The following TOX2 variants were observed in gnomAD, a reference collection of about 807,000 sequenced individuals.
The protein encoded by TOX2 is TOX high mobility group box family member 2.
TOX2 carries 15 observed loss-of-function variants against 47.4 expected under a neutral mutation model. That is an observed-to-expected ratio of 0.32 (90% CI 0.21 to 0.49). The LOEUF (loss-of-function observed/expected upper bound fraction) is 0.49, where lower values mean the gene tolerates loss of function less well. Among genes scored for constraint, TOX2 ranks in the 20% least tolerant of loss-of-function variants. The pLI is 0.99. For synonymous variants in TOX2, 290 were observed against 296.6 expected, an observed-to-expected ratio of 0.98 and a Z score of 0.23; for missense variants, 622 against 673.1, an observed-to-expected ratio of 0.92 and a Z score of 0.84.
chr20:43,954,993 T>C (rs2069642685), intron 1 of TOX2, among the ~76,000 whole-genome samples: 1 of 152,194 alleles, frequency 6.6e-6, no homozygotes, highest in Non-Finnish European at 1.5e-5. Flanking sequence ...CAAAAAGCCC[T>C]GCGACGAGAA....
intron 7 of TOX2, 37 bp downstream of exon 7, chr20:44,066,144 G>A (rs765067830): frequency 3.4e-5 from 51 of 1,490,322 alleles, no homozygotes; most frequent in South Asian, 1.9e-4. Flanking sequence ...TTCTGTGACC[G>A]TGTGGGGAGG....
chr20:43,931,050 T>G (rs2069246088), intron 1 of TOX2, among the ~76,000 whole-genome samples: 1 of 152,210 alleles, frequency 6.6e-6, no homozygotes, highest in Non-Finnish European at 1.5e-5. Flanking sequence ...CGTTTGCTCA[T>G]GGGTGGAGCC....
chr20:43,950,134 G>A (rs879655582), intron 1 of TOX2, among the ~76,000 whole-genome samples: 9 of 152,112 alleles, frequency 5.9e-5, no homozygotes, highest in Admixed American at 3.3e-4. Flanking sequence ...CACTTGGAAT[G>A]TTTAACCCCT....
chr20:43,934,501 A>G (rs1027995785), intron 1 of TOX2, among the ~76,000 whole-genome samples: 1 of 152,092 alleles, frequency 6.6e-6, no homozygotes, highest in African/African-American at 2.4e-5. Context: ...TTCTCTTCCT[A>G]AGGGACCATA....
At chr20:44,019,387 C>T (rs1363199450) in intron 3 of TOX2, among the ~76,000 whole-genome samples, 1 of 152,236 alleles carries the variant, frequency 6.6e-6, no homozygotes, top group African/African-American at 2.4e-5. Context: ...CTTTTGACCC[C>T]AAGTGCTTTA....
At chr20:43,936,559 T>C (rs1216488736) in intron 1 of TOX2, among the ~76,000 whole-genome samples, 1 of 152,176 alleles carries the variant, frequency 6.6e-6, no homozygotes, top group Non-Finnish European at 1.5e-5. Flanking sequence ...ACAGCCTCCC[T>C]CGTGCAGCTG....
chr20:43,966,808 A>G (rs899292130), intron 1 of TOX2, among the ~76,000 whole-genome samples: 1 of 151,114 alleles, frequency 6.6e-6, no homozygotes, highest in African/African-American at 2.4e-5. Flanking sequence ...CTGAGGACCC[A>G]CGGGAACTGA....
chr20:44,056,794 ATTTT>A (rs1263834311), intron 5 of TOX2, among the ~76,000 whole-genome samples: 1 of 152,186 alleles, frequency 6.6e-6, no homozygotes, highest in African/African-American at 2.4e-5. Context: ...CTTACTATTT[ATTTT>A]ATCATTTCTG....
At chr20:44,056,274 T>C (rs890864757) in intron 5 of TOX2, among the ~76,000 whole-genome samples, 3 of 152,164 alleles carry the variant, frequency 2.0e-5, no homozygotes, top group African/African-American at 7.2e-5. Context: ...CGGTGGCAGC[T>C]GGAAGTAGAG....
intron 1 of TOX2, among the ~76,000 whole-genome samples, chr20:43,934,442 C>G (rs927566040): frequency 1.3e-5 from 2 of 152,264 alleles, no homozygotes; most frequent in East Asian, 1.9e-4. Context: ...GGCACTGGGC[C>G]GGGGTCACAG....
At chr20:44,024,214 T>C (rs1160423767) in intron 3 of TOX2, among the ~76,000 whole-genome samples, 2 of 152,214 alleles carry the variant, frequency 1.3e-5, no homozygotes, top group African/African-American at 4.8e-5. Flanking sequence ...GGTCTTCGTA[T>C]CTATAATTAC....
At chr20:44,019,328 C>A (rs1334572412) in intron 3 of TOX2, among the ~76,000 whole-genome samples, 1 of 152,206 alleles carries the variant, frequency 6.6e-6, no homozygotes, top group Non-Finnish European at 1.5e-5. Flanking sequence ...GGTGGCTTGT[C>A]CAAAGACACA....
At position 43,937,615 on chromosome 20, in the gene TOX2, G is replaced by A. The variant is rs373436363; in HGVS notation, c.99+22625G>A. On this transcript the variant is annotated intron_variant, in intron 1 of 8. Coordinates refer to ENST00000341197, the MANE Select transcript of TOX2 (RefSeq NM_001098797.2). The stretch of plus-strand genomic sequence containing the variant: ...AGGTGATCAGATGCTGGGGAGGCCC[G>A]TAGGGAGGGTGCACAGAGGAATGAC... Among the ~76,000 whole-genome samples, 13 of 152,246 alleles carry A rather than the reference G, an allele frequency of 8.5e-5. No individual in the cohort carries two copies. In the South Asian group the frequency reaches 2.3e-3, roughly 27 times the overall value.
intron 1 of TOX2, among the ~76,000 whole-genome samples, chr20:43,951,711 T>G (rs370195114): frequency 3.5e-5 from 4 of 115,040 alleles, no homozygotes; most frequent in African/African-American, 9.8e-5. Flanking sequence ...TATTATGTTT[T>G]TTTTTTTTTT....
At chr20:43,934,968 C>T (rs562291687) in intron 1 of TOX2, among the ~76,000 whole-genome samples, 14 of 152,140 alleles carry the variant, frequency 9.2e-5, no homozygotes, top group African/African-American at 2.4e-4. Flanking sequence ...GCTAAGCTGC[C>T]GACAGCATCC....
At chr20:43,964,346 A>T (rs1164345926) in intron 1 of TOX2, among the ~76,000 whole-genome samples, 1 of 152,058 alleles carries the variant, frequency 6.6e-6, no homozygotes, top group African/African-American at 2.4e-5. Flanking sequence ...CCTGGCCCTG[A>T]TGTGTATTTC....
At chr20:43,944,577 G>A (rs1432828260) in intron 1 of TOX2, among the ~76,000 whole-genome samples, 1 of 152,082 alleles carries the variant, frequency 6.6e-6, no homozygotes, top group African/African-American at 2.4e-5. Context: ...CTGCAGACAC[G>A]CTGGGCACCA....
chr20:44,053,738 C>T (rs1476918607), intron 4 of TOX2, among the ~76,000 whole-genome samples: 2 of 151,780 alleles, frequency 1.3e-5, no homozygotes, highest in East Asian at 1.9e-4. Flanking sequence ...AACAGGCTCA[C>T]TCAATAATTA....
chr20:44,063,101 G>T (rs933013395), intron 5 of TOX2, among the ~76,000 whole-genome samples: 2 of 152,122 alleles, frequency 1.3e-5, no homozygotes. Flanking sequence ...TCATGACCAA[G>T]AACCCAAAAG....
Sources: allele counts gnomAD v4.1 joint callset (sites outside exome capture counted in the v4.1 genomes callset), GRCh38; gene constraint gnomAD v4.1.1; transcripts MANE v1.5; gene names NCBI Gene and HGNC (gene_info 2026-07-23, HGNC 2026-07-21).